ZNF440: variants seen among roughly 807,000 people sequenced by gnomAD.
The protein encoded by ZNF440 is zinc finger protein 440.
A neutral mutation model predicts 49.7 loss-of-function variants in ZNF440; 47 were observed. The ratio of observed to expected loss-of-function variants is 0.95; its 90% CI spans 0.75 to 1.21. ZNF440 has a LOEUF of 1.21. Ranked by LOEUF, ZNF440 falls within the 50% of genes most tolerant of loss-of-function variation. The pLI is 0.00. For synonymous variants in ZNF440, 255 were observed against 237.7 expected, an observed-to-expected ratio of 1.07 and a Z score of -0.67; for missense variants, 703 against 715.0, an observed-to-expected ratio of 0.98 and a Z score of 0.19.
chr19:11,825,817 C>CTTTT (rs74180041), intron 1 of ZNF440, among the ~76,000 whole-genome samples: 1 of 131,468 alleles, frequency 7.6e-6, no homozygotes, highest in African/African-American at 2.9e-5. Context: ...CTTTTCTTTT[C>CTTTT]TTTTTTTTTT....
chr19:11,817,753 A>C (rs1975750333), intron 1 of ZNF440: 1 of 152,002 alleles, frequency 6.6e-6, no homozygotes, highest in Non-Finnish European at 1.5e-5. Flanking sequence ...GGAGGAACGT[A>C]CTGTCTAAGT....
intron 1 of ZNF440, among the ~76,000 whole-genome samples, chr19:11,815,084 G>C (rs557609382): frequency 6.3e-4 from 96 of 151,954 alleles, no homozygotes; most frequent in Non-Finnish European, 1.2e-3. Context: ...GACCATCCCT[G>C]GCTAACACGG....
Position 11,833,112 on chromosome 19 carries a change from C to G in ZNF440, c.*148C>G, listed in dbSNP as rs1975974663. 2.1e-6 allele frequency: 3 copies of G among 1,439,920 alleles called. No individual in the cohort carries two copies. The highest frequency in any genetic ancestry group is 2.9e-6 in the Non-Finnish European group (3 of 1,030,080). The allele number at this position is 1,439,920 out of a possible 1,614,324, so 89.2% of individuals were successfully genotyped here. A position where few individuals can be genotyped will look rare whatever the true frequency, so the allele number is the denominator to read the frequency against. ...GGGAAAGCCTTTGTTTCCTTCACTT[C>G]CTTTCGATATCATGAAAGGACTCAC... On this transcript the variant is annotated 3_prime_UTR_variant, in exon 4 of 4. Transcript: ENST00000304060.
intron 1 of ZNF440, among the ~76,000 whole-genome samples, chr19:11,814,821 T>C (rs1274492179): frequency 6.6e-6 from 1 of 152,210 alleles, no homozygotes; most frequent in Non-Finnish European, 1.5e-5. Flanking sequence ...AATTTATTTC[T>C]ACACAAGGGT....
chr19:11,829,832 T>TA (rs35638937), intron 1 of ZNF440, among the ~76,000 whole-genome samples: 62,492 of 148,020 alleles, frequency 0.42, 14,023 homozygotes, highest in African/African-American at 0.6. Context: ...GACGCTGTCT[T>TA]AAAAAAAAAA....
chr19:11,815,517 T>C (rs1466582226), intron 1 of ZNF440, among the ~76,000 whole-genome samples: 1 of 152,160 alleles, frequency 6.6e-6, no homozygotes, highest in African/African-American at 2.4e-5. Flanking sequence ...TAATTTATCA[T>C]CTCTGACAGG....
Position 11,833,927 on chromosome 19 carries a change from A to G in ZNF440, c.*963A>G. The G allele has an allele frequency of 3.4e-6, 1 of 292,700 alleles. No homozygotes were observed. Among genetic ancestry groups the G allele is most frequent in the East Asian group, 7.8e-5 (1 of 12,804 alleles). 18.1% of individuals were successfully genotyped at this position (292,700 alleles called of 1,614,324 possible). A position where few individuals can be genotyped will look rare whatever the true frequency, so the allele number is the denominator to read the frequency against. On this transcript the variant is annotated 3_prime_UTR_variant, in exon 4 of 4. Coordinates refer to ENST00000304060, the MANE Select transcript of ZNF440 (RefSeq NM_152357.3). ...TGTTTATAATAACTGTATACTAACA[A>G]ATGATATTCTTTTTAAATAAGAAGC...
rs201343885 is a variant in ZNF440, at chr19:11,832,726, C to T, written c.1550C>T (p.Ala517Val). The T allele has an allele frequency of 3.9e-5, 63 of 1,602,654 alleles. No individual in the cohort carries two copies. The African/African-American group carries it at 4.3e-4, about 11-fold the overall frequency. Residue 517 changes from alanine (A) to valine (V), a missense_variant, in exon 4 of 4, where the codon GCG (alanine) becomes GTG (valine). Physicochemically the swap from Ala to Val is moderately conservative, Grantham distance 64. Coordinates refer to ENST00000304060, the MANE Select transcript of ZNF440 (RefSeq NM_152357.3). ...ACACTGGAGAGAAGCCCTATAAATG[C>T]GAGCAATGTGGGAAAGCCTTCAGAG... ...GLTLERSPIN[A>V]SNVGKPSELC... is the part of the protein sequence containing the mutation.
intron 1 of ZNF440, among the ~76,000 whole-genome samples, chr19:11,822,424 T>A (rs1975810618): frequency 1.3e-5 from 2 of 152,224 alleles, no homozygotes; most frequent in East Asian, 3.8e-4. Flanking sequence ...TTATTGTATA[T>A]GGAGATGACA....
rs763792937 is a variant in ZNF440, at chr19:11,833,011, C to G, written c.*47C>G. On this transcript the variant is annotated 3_prime_UTR_variant, in exon 4 of 4. Transcript: ENST00000304060. ...ATAAATGTAAGATATGTGGGAGGGG[C>G]TTTTATTCTGCCAAGTCATTTCAAA... 146 of 1,599,842 alleles carry G rather than the reference C, an allele frequency of 9.1e-5. No homozygotes were observed. The highest frequency in any genetic ancestry group is 1.2e-4 in the Non-Finnish European group (145 of 1,176,732).
intron 1 of ZNF440, among the ~76,000 whole-genome samples, chr19:11,819,320 G>C (rs749736577): frequency 2.6e-5 from 4 of 152,114 alleles, no homozygotes; most frequent in Non-Finnish European, 5.9e-5. Context: ...CTGTGTGTCA[G>C]GTGACTCAAC....
rs773693139 is a variant in ZNF440 at position 11,832,969 on chromosome 19, C to T, written c.*5C>T. The T allele has an allele frequency of 1.2e-6, 2 of 1,605,140 alleles. No individual in the cohort carries two copies. Among genetic ancestry groups the T allele is most frequent in the East Asian group, 4.5e-5 (2 of 44,858 alleles). ...AAAGGACACAAACACACATAATGCA[C>T]TCTGTAGAGAGACCTTATAAATGTA... On this transcript the variant is annotated 3_prime_UTR_variant, in exon 4 of 4. Transcript: ENST00000304060.
At position 11,831,885 on chromosome 19, in the gene ZNF440, T is replaced by G. The variant is rs769388439; in HGVS notation, c.709T>G (p.Phe237Val). 3 of 1,614,000 alleles carry G rather than the reference T, an allele frequency of 1.9e-6. No individual in the cohort carries two copies. Among genetic ancestry groups the G allele is most frequent in the Non-Finnish European group, 2.5e-6 (3 of 1,179,964 alleles). ...TGAATGTAAACAGTGTGGTAAATCC[T>G]TTAGTTATTCTGCTACCCATCGAAT... ...PCECKQCGKSFSYSATHRIHK... is the reference protein window; with the variant it reads ...PCECKQCGKSVSYSATHRIHK... The change falls in exon 4 of 4, where the codon TTT becomes GTT. Residue 237 changes from phenylalanine to valine, a missense_variant. Physicochemically the swap from Phe to Val is conservative, Grantham distance 50. Coordinates refer to ENST00000304060, the MANE Select transcript of ZNF440 (RefSeq NM_152357.3).
In ZNF440 at chr19:11,832,732, A is replaced by G; in HGVS notation, c.1556A>G (p.Asn519Ser). The change falls in exon 4 of 4, where the codon AAT (asparagine) becomes AGT (serine). Residue 519 changes from asparagine (N) to serine (S), a missense_variant. By Grantham distance (46) the Asn-to-Ser change is conservative. Transcript: ENST00000304060. ...TLERSPINASNVGKPSELCQS... is the reference protein window; with the variant it reads ...TLERSPINASSVGKPSELCQS... ...GAGAGAAGCCCTATAAATGCGAGCA[A>G]TGTGGGAAAGCCTTCAGAGCTGTGT... The G allele has an allele frequency of 6.2e-7, 1 of 1,613,534 alleles. No individual in the cohort carries two copies. Among genetic ancestry groups the G allele is most frequent in the African/African-American group, 1.3e-5 (1 of 74,930 alleles).
intron 2 of ZNF440, 83 bp downstream of exon 2, chr19:11,830,492 A>C: frequency 1.2e-6 from 2 of 1,603,862 alleles, no homozygotes; most frequent in Non-Finnish European, 1.7e-6. Flanking sequence ...GATTTAGAAC[A>C]TAGACAGGAA....
intron 1 of ZNF440, among the ~76,000 whole-genome samples, chr19:11,821,684 TGA>T (rs1975802248): frequency 1.3e-5 from 2 of 152,214 alleles, no homozygotes; most frequent in Non-Finnish European, 2.9e-5. Context: ...GTGACTGTGC[TGA>T]CACATGAGTC....
At chr19:11,829,114 G>C (rs191346388) in intron 1 of ZNF440, among the ~76,000 whole-genome samples, 1 of 152,122 alleles carries the variant, frequency 6.6e-6, no homozygotes, top group East Asian at 1.9e-4. Context: ...CAGGAAGGTC[G>C]TATAGTGGTT....
chr19:11,830,537 A>G, intron 2 of ZNF440, 80 bp from the exon 3 acceptor site: 1 of 1,599,170 alleles, frequency 6.3e-7, no homozygotes, highest in Non-Finnish European at 8.5e-7. Context: ...TGGCTGCAGT[A>G]AATCATGGGC....
chr19:11,821,403 T>A (rs1975798165), intron 1 of ZNF440, among the ~76,000 whole-genome samples: 2 of 152,184 alleles, frequency 1.3e-5, no homozygotes, highest in Admixed American at 1.3e-4. Flanking sequence ...CAAACCCCAG[T>A]TTCCTGAACT....
Sources: allele counts gnomAD v4.1 joint callset (sites outside exome capture counted in the v4.1 genomes callset), GRCh38; gene constraint gnomAD v4.1.1; transcripts MANE v1.5; gene names NCBI Gene and HGNC (gene_info 2026-07-23, HGNC 2026-07-21).